Variants in BCAS1 observed in about 807,000 individuals in gnomAD.
The protein encoded by BCAS1 is breast carcinoma-amplified sequence 1.
In BCAS1, 46 loss-of-function variants were observed where a neutral mutation model predicts 65.4. The ratio of observed to expected loss-of-function variants is 0.70; its 90% confidence interval spans 0.55 to 0.90. The LOEUF (loss-of-function observed/expected upper bound fraction) is 0.90. Ranked by LOEUF, BCAS1 falls within the 40% of genes least tolerant of loss-of-function variation. BCAS1 has a pLI of 0.00. For synonymous variants in BCAS1, 298 were observed against 293.5 expected, an observed-to-expected ratio of 1.02 and a Z score of -0.16; for missense variants, 793 against 771.2, an observed-to-expected ratio of 1.03 and a Z score of -0.33.
At chr20:53,975,363 A>G (rs1380523850) in intron 9 of BCAS1, 26 bp downstream of exon 9, 16 of 1,603,924 alleles carry the variant, frequency 1.0e-5, no homozygotes, top group Non-Finnish European at 1.4e-5. Flanking sequence ...GAATGGAATG[A>G]TTCTGCCGTG....
rs368021485 is a variant in BCAS1 at position 54,043,807 on chromosome 20, G to A, written c.142+14278C>T. Among the ~76,000 whole-genome samples the A allele has an allele frequency of 9.9e-5, 15 of 152,270 alleles. No individual in the cohort carries two copies. In the South Asian group the frequency reaches 3.1e-3, roughly 32 times the overall value. ...AGGTGATGTGATGCTGCTGGCCCAG[G>A]GACAACTCTGCGAGTCACTGCTATT... On this transcript the variant is annotated intron_variant, in intron 3 of 12. Coordinates refer to ENST00000688948, the MANE Select transcript of BCAS1 (RefSeq NM_001366298.2).
intron 3 of BCAS1, among the ~76,000 whole-genome samples, chr20:54,050,797 T>C (rs2092198826): frequency 6.6e-6 from 1 of 152,220 alleles, no homozygotes; most frequent in African/African-American, 2.4e-5. Flanking sequence ...TGAGAACATA[T>C]GTGCCTTTTA....
intron 1 of BCAS1, among the ~76,000 whole-genome samples, chr20:54,069,922 T>A (rs1251984468): frequency 6.6e-6 from 1 of 152,170 alleles, no homozygotes; most frequent in East Asian, 1.9e-4. Flanking sequence ...AAGCCAGGAT[T>A]TGAATCAGCA....
At chr20:54,000,799 A>C (rs6097712) in intron 4 of BCAS1, among the ~76,000 whole-genome samples, 11,998 of 152,206 alleles carry the variant, frequency 0.079, 1,538 homozygotes, top group African/African-American at 0.27. Context: ...TTTACCTCAC[A>C]CACTGTAGTT....
intron 8 of BCAS1, among the ~76,000 whole-genome samples, chr20:53,977,187 C>T (rs2090357069): frequency 6.6e-6 from 1 of 152,088 alleles, no homozygotes; most frequent in East Asian, 1.9e-4. Flanking sequence ...GAAACTTCCC[C>T]CATGATCCAA....
intron 1 of BCAS1, among the ~76,000 whole-genome samples, chr20:54,064,127 C>T (rs533190533): frequency 4.6e-5 from 7 of 152,304 alleles, no homozygotes; most frequent in African/African-American, 1.7e-4. Context: ...GGGGCCCATG[C>T]CCAGACTGGG....
intron 4 of BCAS1, among the ~76,000 whole-genome samples, chr20:54,000,856 G>A (rs529883155): frequency 2.0e-5 from 3 of 152,160 alleles, no homozygotes; most frequent in South Asian, 4.1e-4. Context: ...TATCTTCTAT[G>A]TCTCTACTTA....
At chr20:54,027,086 T>A (rs956409005) in intron 4 of BCAS1, among the ~76,000 whole-genome samples, 1 of 152,258 alleles carries the variant, frequency 6.6e-6, no homozygotes, top group Non-Finnish European at 1.5e-5. Context: ...TTCAACCGGC[T>A]TCTTGAACTG....
chr20:53,953,997 C>T (rs2089615419), intron 11 of BCAS1, among the ~76,000 whole-genome samples: 1 of 152,194 alleles, frequency 6.6e-6, no homozygotes, highest in Non-Finnish European at 1.5e-5. Flanking sequence ...TCTTCCTCAT[C>T]TACTCCGTGT....
chr20:53,993,176 C>A (rs1419824095), intron 6 of BCAS1, among the ~76,000 whole-genome samples: 1 of 152,148 alleles, frequency 6.6e-6, no homozygotes, highest in Admixed American at 6.5e-5. Flanking sequence ...GATGGGTAGA[C>A]CCCCGCCAGG....
At chr20:53,983,414 T>C (rs537226550) in intron 8 of BCAS1, among the ~76,000 whole-genome samples, 1 of 152,290 alleles carries the variant, frequency 6.6e-6, no homozygotes, top group South Asian at 2.1e-4. Context: ...ATTTGCATCT[T>C]ACAAGTGAGG....
intron 3 of BCAS1, among the ~76,000 whole-genome samples, chr20:54,056,375 G>T (rs2092296966): frequency 6.6e-6 from 1 of 152,160 alleles, no homozygotes; most frequent in Non-Finnish European, 1.5e-5. Context: ...AATACTGCAT[G>T]TTCTCACTTG....
At chr20:54,018,053 T>A (rs2091476585) in intron 4 of BCAS1, among the ~76,000 whole-genome samples, 1 of 152,212 alleles carries the variant, frequency 6.6e-6, no homozygotes. Context: ...AGAATTAGGT[T>A]GCAGACTTTC....
intron 4 of BCAS1, among the ~76,000 whole-genome samples, chr20:54,027,271 G>A (rs140618274): frequency 2.0e-5 from 3 of 152,230 alleles, no homozygotes; most frequent in East Asian, 1.9e-4. Flanking sequence ...AGTGTTCAGC[G>A]GTGCCCAGCC....
At chr20:54,011,020 C>T (rs1341345436) in intron 4 of BCAS1, among the ~76,000 whole-genome samples, 2 of 152,008 alleles carry the variant, frequency 1.3e-5, no homozygotes, top group East Asian at 3.9e-4. Context: ...AGCAATTTGA[C>T]ATCTATAGAG....
intron 1 of BCAS1, among the ~76,000 whole-genome samples, chr20:54,061,705 T>G (rs1188168113): frequency 2.0e-5 from 3 of 152,252 alleles, no homozygotes; most frequent in Non-Finnish European, 2.9e-5. Context: ...GTATGTCTTC[T>G]GATCATACCA....
At chr20:53,946,230 C>A (rs6127029) in intron 12 of BCAS1, among the ~76,000 whole-genome samples, 1 of 151,920 alleles carries the variant, frequency 6.6e-6, no homozygotes, top group African/African-American at 2.4e-5. Flanking sequence ...ATGGTTCTGT[C>A]CCCCCTCAGA....
At position 54,057,989 on chromosome 20, in the gene BCAS1, G is replaced by C; in HGVS notation, c.142+96C>G. 4.2e-6 allele frequency: 4 copies of C among 955,146 alleles called. No homozygotes were observed. In the South Asian group the frequency reaches 5.8e-5, roughly 14 times the overall value. 59.2% of individuals were successfully genotyped at this position (955,146 alleles called of 1,614,324 possible). A position where few individuals can be genotyped will look rare whatever the true frequency, so the allele number is the denominator to read the frequency against. ...ATTTTCAAACTGAGCCTGCGGCTTC[G>C]ACCCTTTCATTTTTTTTTTTTTTTC... is the stretch of plus-strand genomic sequence containing the variant. On this transcript the variant is annotated intron_variant, in intron 3 of 12. Coordinates refer to ENST00000688948, the MANE Select transcript of BCAS1 (RefSeq NM_001366298.2).
At chr20:54,027,124 G>A (rs2091689435) in intron 4 of BCAS1, among the ~76,000 whole-genome samples, 1 of 152,116 alleles carries the variant, frequency 6.6e-6, no homozygotes, top group Non-Finnish European at 1.5e-5. Context: ...GGTGTTTGAA[G>A]GGAAAATGTT....
Sources: gnomAD v4.1 joint callset for allele counts (sites outside exome capture counted in the v4.1 genomes callset) on GRCh38, gnomAD v4.1.1 for gene constraint, MANE v1.5 for transcripts, NCBI Gene and HGNC (gene_info 2026-07-23, HGNC 2026-07-21) for gene names.